CSMD1: variants seen among roughly 807,000 people sequenced by gnomAD.
CSMD1 encodes CUB and Sushi multiple domains 1.
A neutral mutation model predicts 417.5 loss-of-function variants in CSMD1; 213 were observed. The observed-to-expected ratio is 0.51, with a 90% CI of 0.46 to 0.57. The LOEUF (loss-of-function observed/expected upper bound fraction) is 0.57, where lower values mean the gene tolerates loss of function less well. Ranked by LOEUF, CSMD1 falls within the 20% of genes least tolerant of loss-of-function variation. The pLI, the probability that CSMD1 is intolerant of heterozygous loss-of-function variation, is 0.00. For synonymous variants in CSMD1, 2,862 were observed against 1,736.8 expected (o/e 1.65, Z -16.11); for missense variants, 6,923 against 4,529.7 (o/e 1.53, Z -15.17).
At chr8:4,330,643 G>C (rs1027782024) in intron 3 of CSMD1, among the ~76,000 whole-genome samples, 1 of 150,616 alleles carries the variant, frequency 6.6e-6, no homozygotes, top group African/African-American at 2.4e-5. Context: ...TATTTTATTT[G>C]TTTTCACAAC....
chr8:3,058,350 C>A (rs1202482639), intron 49 of CSMD1, among the ~76,000 whole-genome samples: 3 of 152,090 alleles, frequency 2.0e-5, no homozygotes, highest in African/African-American at 7.2e-5. Flanking sequence ...GCCCATGAAA[C>A]CAGAATATTA....
At chr8:4,828,418 C>A (rs76923676) in intron 1 of CSMD1, among the ~76,000 whole-genome samples, 1 of 152,082 alleles carries the variant, frequency 6.6e-6, no homozygotes, top group African/African-American at 2.4e-5. Flanking sequence ...CATAACCACG[C>A]AAAGCAGGGG....
chr8:4,314,408 A>G (rs967301504), intron 3 of CSMD1, among the ~76,000 whole-genome samples: 1 of 152,218 alleles, frequency 6.6e-6, no homozygotes, highest in Non-Finnish European at 1.5e-5. Context: ...ACTAACAGAA[A>G]TAAGTGTTCT....
At chr8:3,461,992 G>T (rs558237280) in intron 12 of CSMD1, among the ~76,000 whole-genome samples, 7 of 152,122 alleles carry the variant, frequency 4.6e-5, no homozygotes, top group Non-Finnish European at 1.0e-4. Context: ...TGTGTTACAC[G>T]TGTTCCTAGG....
intron 10 of CSMD1, among the ~76,000 whole-genome samples, chr8:3,554,696 G>A (rs541257585): frequency 1.3e-5 from 2 of 152,160 alleles, no homozygotes; most frequent in African/African-American, 4.8e-5. Context: ...TTCTCAGCCT[G>A]GCTTTGTTAA....
At chr8:3,845,422 C>T (rs34328161) in intron 5 of CSMD1, among the ~76,000 whole-genome samples, 46,059 of 151,986 alleles carry the variant, frequency 0.3, 7,148 homozygotes, top group Non-Finnish European at 0.34. Context: ...TGATAGATAT[C>T]TATGTATCTA....
chr8:3,647,677 A>G (rs1015875093), intron 7 of CSMD1, among the ~76,000 whole-genome samples: 5 of 152,236 alleles, frequency 3.3e-5, no homozygotes, highest in Non-Finnish European at 7.3e-5. Context: ...TGAAAGTTTT[A>G]GTACAGTTAT....
chr8:3,650,491 G>T (rs1187631541), intron 7 of CSMD1, among the ~76,000 whole-genome samples: 2 of 152,114 alleles, frequency 1.3e-5, no homozygotes, highest in Non-Finnish European at 2.9e-5. Context: ...AAGCTTAGCT[G>T]GTGGGACCAG....
At chr8:3,841,149 A>T (rs1009308137) in intron 5 of CSMD1, among the ~76,000 whole-genome samples, 1 of 152,178 alleles carries the variant, frequency 6.6e-6, no homozygotes, top group Admixed American at 6.5e-5. Context: ...GAGGGTACTC[A>T]TCGATAAAAT....
At chr8:4,579,166 T>A (rs926765520) in intron 2 of CSMD1, among the ~76,000 whole-genome samples, 4 of 151,942 alleles carry the variant, frequency 2.6e-5, no homozygotes, top group African/African-American at 9.7e-5. Context: ...GAGGAATATG[T>A]ACACACTAAG....
At chr8:4,447,559 T>C (rs115854660) in intron 2 of CSMD1, among the ~76,000 whole-genome samples, 242 of 152,288 alleles carry the variant, frequency 1.6e-3, no homozygotes, top group African/African-American at 5.7e-3. Flanking sequence ...AGAGTAACAC[T>C]ACAAATACCA....
chr8:4,958,016 C>A (rs1809235482), intron 1 of CSMD1, among the ~76,000 whole-genome samples: 1 of 152,152 alleles, frequency 6.6e-6, no homozygotes, highest in African/African-American at 2.4e-5. Context: ...TGGTTCAAGT[C>A]ACGACGTTGA....
intron 37 of CSMD1, among the ~76,000 whole-genome samples, chr8:3,180,129 A>C (rs962835583): frequency 6.6e-6 from 1 of 152,254 alleles, no homozygotes; most frequent in African/African-American, 2.4e-5. Context: ...TTAGTGCTTG[A>C]AAACAGGTCC....
chr8:3,920,365 GTGTGTGTGTTTA>G (rs1809154836), intron 5 of CSMD1, among the ~76,000 whole-genome samples: 1 of 151,924 alleles, frequency 6.6e-6, no homozygotes, highest in African/African-American at 2.4e-5. Flanking sequence ...GTGTTTGTGT[GTGTGTGTGTTTA>G]TGTGTGTGTG....
At chr8:3,047,152 G>A (rs936094086) in intron 50 of CSMD1, among the ~76,000 whole-genome samples, 1 of 147,860 alleles carries the variant, frequency 6.8e-6, no homozygotes, top group African/African-American at 2.5e-5. Flanking sequence ...AGGTTGCAGT[G>A]GACCAAGATC....
chr8:4,679,033 T>C (rs998293805), intron 1 of CSMD1, among the ~76,000 whole-genome samples: 3 of 152,170 alleles, frequency 2.0e-5, no homozygotes, highest in African/African-American at 7.2e-5. Context: ...AGATGGTTCA[T>C]TGTTTGCCCA....
rs183951389 is a variant in CSMD1 at position 3,506,109 on chromosome 8, C to T, written c.1345-12383G>A. Among the ~76,000 whole-genome samples the T allele has an allele frequency of 2.5e-3, 378 of 152,262 alleles. 1 individual carries two copies. Among genetic ancestry groups the T allele is most frequent in the African/African-American group, 8.8e-3 (365 of 41,542 alleles). On this transcript the variant is annotated intron_variant, in intron 10 of 69. Transcript: ENST00000635120. ...GTGTTCTCATAAGGAGGTGTCTCAT[C>T]GGAGGCCAGGTGATAGGTGCGGCGG...
chr8:3,316,100 G>A (rs1217068229), intron 23 of CSMD1, among the ~76,000 whole-genome samples: 1 of 152,106 alleles, frequency 6.6e-6, no homozygotes. Context: ...GGCAAGACCA[G>A]GATCAGGCAC....
chr8:3,314,340 T>G (rs1264383305), intron 23 of CSMD1, among the ~76,000 whole-genome samples: 3 of 152,196 alleles, frequency 2.0e-5, no homozygotes. Flanking sequence ...CATTTTAATG[T>G]GAATTTAAGA....
Sources: allele counts gnomAD v4.1 joint callset (sites outside exome capture counted in the v4.1 genomes callset), GRCh38; gene constraint gnomAD v4.1.1; transcripts MANE v1.5; gene names NCBI Gene and HGNC (gene_info 2026-07-23, HGNC 2026-07-21).